ACSS1: variants seen among roughly 807,000 people sequenced by gnomAD.
ACSS1 encodes acetyl-coenzyme A synthetase 2-like, mitochondrial.
ACSS1 carries 42 observed loss-of-function variants against 75.3 expected under a neutral mutation model. That is an observed-to-expected ratio of 0.56 (90% CI 0.44 to 0.72). The LOEUF is 0.72. ACSS1 is among the 30% of genes least tolerant of loss of function. The pLI, the probability that ACSS1 is intolerant of heterozygous loss-of-function variation, is 0.00. For missense variants in ACSS1, 782 were observed against 935.7 expected, an observed-to-expected ratio of 0.84 and a Z score of 2.14; for synonymous variants, 380 against 376.8, an observed-to-expected ratio of 1.01 and a Z score of -0.10.
chr20:25,032,361 C>A, intron 2 of ACSS1: 1 of 1,350,056 alleles, frequency 7.4e-7, no homozygotes, highest in South Asian at 1.9e-5. Flanking sequence ...CGAGAGCCGC[C>A]AACTTGCCGG....
intron 2 of ACSS1, chr20:25,045,835 C>T (rs1287508302): frequency 6.6e-6 from 1 of 152,268 alleles, no homozygotes; most frequent in South Asian, 2.1e-4. Flanking sequence ...ACAGGTAACA[C>T]TTTTCACTCA....
chr20:25,012,595 A>C lies in ACSS1; in HGVS notation c.1771+6T>G, dbSNP rs2088429134. The C allele has an allele frequency of 6.2e-7, 1 of 1,613,900 alleles. No individual in the cohort carries two copies. The highest frequency in any genetic ancestry group is 1.7e-5 in the Admixed American group (1 of 59,984). ...TCAGGGAGGAGCTCATCTCCAGGACACTCACCTTCTCCTTTGATGTCGTGG... is the reference window on the plus strand; with the variant it reads ...TCAGGGAGGAGCTCATCTCCAGGACCCTCACCTTCTCCTTTGATGTCGTGG... On this transcript the variant is annotated splice_donor_region_variant and intron_variant, in intron 12 of 13. Transcript: ENST00000323482.
At chr20:25,030,138 A>G (rs1317724980) in intron 3 of ACSS1, among the ~76,000 whole-genome samples, 1 of 152,220 alleles carries the variant, frequency 6.6e-6, no homozygotes, top group Non-Finnish European at 1.5e-5. Context: ...TGGCACCTAG[A>G]ACCTGGCACC....
At chr20:25,046,620 T>C in intron 2 of ACSS1, 1 of 590,346 alleles carries the variant, frequency 1.7e-6, no homozygotes, top group South Asian at 2.0e-5. Flanking sequence ...CAGAGGGTTT[T>C]CATCTTTTAC....
chr20:25,047,326 G>T (rs945812569), intron 2 of ACSS1, among the ~76,000 whole-genome samples: 1 of 152,128 alleles, frequency 6.6e-6, no homozygotes, highest in Non-Finnish European at 1.5e-5. Flanking sequence ...GTCTGCCCCT[G>T]TCTTCTCAGG....
intron 2 of ACSS1, among the ~76,000 whole-genome samples, chr20:25,038,781 C>G (rs1235111893): frequency 6.6e-6 from 1 of 152,104 alleles, no homozygotes; most frequent in Non-Finnish European, 1.5e-5. Context: ...GCACTCAGCC[C>G]GAGGCCTGTG....
intron 3 of ACSS1, among the ~76,000 whole-genome samples, chr20:25,029,452 A>G (rs1310969500): frequency 2.0e-5 from 3 of 152,242 alleles, no homozygotes; most frequent in African/African-American, 7.2e-5. Flanking sequence ...TTAGCAAAAC[A>G]GTTTTACAGT....
At chr20:25,024,732 T>C (rs913640317) in intron 3 of ACSS1, among the ~76,000 whole-genome samples, 1 of 152,202 alleles carries the variant, frequency 6.6e-6, no homozygotes, top group African/African-American at 2.4e-5. Flanking sequence ...GGGAGAGTCC[T>C]ACCTAAATAA....
At chr20:25,015,947 A>T (rs2122608184) in intron 7 of ACSS1, among the ~76,000 whole-genome samples, 1 of 152,316 alleles carries the variant, frequency 6.6e-6, no homozygotes, top group African/African-American at 2.4e-5. Flanking sequence ...ATGACCCCTG[A>T]CGTACACCCC....
chr20:25,045,093 C>G (rs1372465281), intron 2 of ACSS1, among the ~76,000 whole-genome samples: 1 of 152,228 alleles, frequency 6.6e-6, no homozygotes, highest in Non-Finnish European at 1.5e-5. Flanking sequence ...TAAATAGCAG[C>G]TACATCATTA....
At chr20:25,037,039 AAG>A (rs921320372) in intron 2 of ACSS1, among the ~76,000 whole-genome samples, 1 of 151,724 alleles carries the variant, frequency 6.6e-6, no homozygotes, top group African/African-American at 2.4e-5. Flanking sequence ...GAAAGAAAGA[AAG>A]AGGGAAAGAA....
chr20:25,031,528 A>G (rs1352706863), intron 2 of ACSS1, among the ~76,000 whole-genome samples: 1 of 152,218 alleles, frequency 6.6e-6, no homozygotes, highest in Admixed American at 6.5e-5. Flanking sequence ...TCGTCAGCCT[A>G]CCCGCAGGGA....
chr20:25,036,793 T>C (rs543425693), intron 2 of ACSS1, among the ~76,000 whole-genome samples: 1 of 151,858 alleles, frequency 6.6e-6, no homozygotes, highest in East Asian at 1.9e-4. Context: ...CTGTGTCTAC[T>C]AAAAATACAG....
chr20:25,008,190 C>G (rs1438167444), intron 13 of ACSS1, among the ~76,000 whole-genome samples: 1 of 152,250 alleles, frequency 6.6e-6, no homozygotes, highest in Admixed American at 6.5e-5. Flanking sequence ...AGGCCGGGTT[C>G]ACCCCGTACT....
chr20:25,056,675 C>A (rs2089246613), intron 1 of ACSS1, among the ~76,000 whole-genome samples: 1 of 152,166 alleles, frequency 6.6e-6, no homozygotes, highest in Non-Finnish European at 1.5e-5. Context: ...GGGGGCAGAA[C>A]AACAAGGACA....
chr20:25,031,376 C>T (rs914123440), intron 2 of ACSS1, among the ~76,000 whole-genome samples: 2 of 152,208 alleles, frequency 1.3e-5, no homozygotes, highest in Non-Finnish European at 2.9e-5. Context: ...CAAAGACAAA[C>T]TCTTGCAACA....
intron 2 of ACSS1, chr20:25,032,603 C>T: frequency 8.1e-7 from 1 of 1,235,806 alleles, no homozygotes; most frequent in East Asian, 3.1e-5. Context: ...CGACCCCTGC[C>T]CTCTGCAGGG....
rs1365876084 is a variant in ACSS1, at chr20:25,020,079, G to A, written c.1177C>T (p.Leu393=). The change falls in exon 7 of 14, where the codon CTG becomes TTG. Residue 393 remains leucine (L), a synonymous_variant. Coordinates refer to ENST00000323482, the MANE Select transcript of ACSS1 (RefSeq NM_032501.4). The part of the protein sequence containing the change: ...QFYGAPTAVR[L]LLKYGDAWVK... Reference sequence around the variant, plus strand: ...CAGGCATCACCGTATTTCAGCAACAGCCGGACAGCCGTTGGGGCGCCATAG... The same window carrying A: ...CAGGCATCACCGTATTTCAGCAACAACCGGACAGCCGTTGGGGCGCCATAG... 13 of 1,614,132 alleles carry A rather than the reference G, an allele frequency of 8.1e-6. No individual in the cohort carries two copies. Among genetic ancestry groups the A allele is most frequent in the Non-Finnish European group, 1.1e-5 (13 of 1,180,054 alleles).
chr20:25,032,172 A>G (rs2088836087), intron 2 of ACSS1, among the ~76,000 whole-genome samples: 2 of 152,142 alleles, frequency 1.3e-5, no homozygotes, highest in Admixed American at 6.5e-5. Context: ...CACGTTGCCT[A>G]TGTCTATGGT....
Sources: gnomAD v4.1 joint callset for allele counts (sites outside exome capture counted in the v4.1 genomes callset) on GRCh38, gnomAD v4.1.1 for gene constraint, MANE v1.5 for transcripts, NCBI Gene and HGNC (gene_info 2026-07-23, HGNC 2026-07-21) for gene names.